Variants in DHRSX observed in about 807,000 individuals in gnomAD.
The protein encoded by DHRSX is dehydrogenase/reductase X-linked.
Under a neutral mutation model 34.0 loss-of-function variants are expected in DHRSX, and 31 were observed. That is an observed-to-expected ratio of 0.91 (90% confidence interval 0.69 to 1.23). The LOEUF (loss-of-function observed/expected upper bound fraction) is 1.23, where lower values mean the gene tolerates loss of function less well. DHRSX is among the 50% of genes most tolerant of loss of function. The pLI is 0.00. For synonymous variants in DHRSX, 201 were observed against 183.8 expected (o/e 1.09, Z -0.76); for missense variants, 414 against 428.1 (o/e 0.97, Z 0.29).
chrX:2,330,445 G>A (rs1414264188), intron 3 of DHRSX, among the ~76,000 whole-genome samples: 4 of 150,982 alleles, frequency 2.6e-5, no homozygotes, highest in East Asian at 2.0e-4. Context: ...CGCTTGAACC[G>A]GGGAGGCAGA....
chrX:2,345,845 G>A (rs1239320194), intron 3 of DHRSX, among the ~76,000 whole-genome samples: 1 of 152,090 alleles, frequency 6.6e-6, no homozygotes, highest in East Asian at 1.9e-4. Context: ...TCCTCCCTGG[G>A]TCTCCAGCTG....
At chrX:2,472,243 AC>A (rs1176144541) in intron 1 of DHRSX, among the ~76,000 whole-genome samples, 1 of 152,030 alleles carries the variant, frequency 6.6e-6, no homozygotes, top group Non-Finnish European at 1.5e-5. Flanking sequence ...AAAACCAAAT[AC>A]CACCTGTTCC....
intron 5 of DHRSX, among the ~76,000 whole-genome samples, chrX:2,246,733 AAAG>A (rs1298772261): frequency 8.7e-6 from 1 of 115,396 alleles, no homozygotes; most frequent in African/African-American, 2.7e-5. Context: ...AGAAAGAAAG[AAAG>A]AAAGAAAGAA....
At chrX:2,385,520 AG>A (rs2124615771) in intron 3 of DHRSX, among the ~76,000 whole-genome samples, 1 of 152,130 alleles carries the variant, frequency 6.6e-6, no homozygotes, top group South Asian at 2.1e-4. Context: ...AATCAGCCTT[AG>A]GAGGGAAAAT....
chrX:2,376,995 CA>C (rs368026648), intron 3 of DHRSX, among the ~76,000 whole-genome samples: 49,527 of 144,062 alleles, frequency 0.34, 8,245 homozygotes, highest in Non-Finnish European at 0.37. Context: ...AACTCTATCT[CA>C]AAAAAAAAAA....
intron 5 of DHRSX, among the ~76,000 whole-genome samples, chrX:2,246,716 GAA>G (rs1556432424): frequency 1.0e-5 from 1 of 98,772 alleles, no homozygotes; most frequent in Admixed American, 1.0e-4. Flanking sequence ...GAGAAAGAAA[GAA>G]AGAAAGAAAG....
chrX:2,254,059 C>CA (rs373951884), intron 5 of DHRSX, among the ~76,000 whole-genome samples: 24,160 of 148,974 alleles, frequency 0.16, 2,210 homozygotes, highest in Admixed American at 0.2. Flanking sequence ...GACTCTGTCT[C>CA]AAAAAAAAAC....
chrX:2,290,674 T>A (rs756915551), intron 4 of DHRSX, among the ~76,000 whole-genome samples: 1 of 152,372 alleles, frequency 6.6e-6, no homozygotes, highest in Non-Finnish European at 1.5e-5. Context: ...ATTTCCTCTC[T>A]GAATTTGCAT....
At chrX:2,459,577 T>C (rs183390565) in intron 1 of DHRSX, among the ~76,000 whole-genome samples, 12,717 of 125,372 alleles carry the variant, frequency 0.1, 822 homozygotes, top group East Asian at 0.22. Context: ...TATATATATA[T>C]ATACACACAC....
At chrX:2,245,961 C>CAAAAAA (rs1349755698) in intron 5 of DHRSX, among the ~76,000 whole-genome samples, 6 of 59,334 alleles carry the variant, frequency 1.0e-4, no homozygotes, top group Admixed American at 2.2e-4. Flanking sequence ...GACTCCATCT[C>CAAAAAA]AAAAAAAACA....
chrX:2,448,439 T>C (rs902854456), intron 1 of DHRSX, among the ~76,000 whole-genome samples: 13 of 152,084 alleles, frequency 8.5e-5, no homozygotes, highest in Non-Finnish European at 1.9e-4. Context: ...ATCGCATCTT[T>C]CAAAATGACT....
intron 1 of DHRSX, among the ~76,000 whole-genome samples, chrX:2,483,255 T>A (rs868706567): frequency 1.1e-4 from 16 of 151,308 alleles, no homozygotes; most frequent in African/African-American, 2.2e-4. Flanking sequence ...TTGGCTAATT[T>A]TTATTATTAT....
intron 3 of DHRSX, among the ~76,000 whole-genome samples, chrX:2,399,725 C>CA (rs779558142): frequency 0.038 from 1,317 of 34,904 alleles, 85 homozygotes; most frequent in African/African-American, 0.089. Context: ...AAACAAAAAG[C>CA]AAAAAAAAAA....
intron 6 of DHRSX, among the ~76,000 whole-genome samples, chrX:2,232,204 A>T (rs2015911060): frequency 6.6e-6 from 1 of 151,754 alleles, no homozygotes; most frequent in Admixed American, 6.6e-5. Flanking sequence ...CTTTTCCTAA[A>T]AAAAAACTAG....
At chrX:2,383,133 A>G (rs779762825) in intron 3 of DHRSX, among the ~76,000 whole-genome samples, 24 of 151,598 alleles carry the variant, frequency 1.6e-4, no homozygotes, top group Admixed American at 4.6e-4. Context: ...CACCATTGTC[A>G]TCACCATCAT....
At chrX:2,247,997 C>G (rs1434548574) in intron 5 of DHRSX, among the ~76,000 whole-genome samples, 1 of 152,040 alleles carries the variant, frequency 6.6e-6, no homozygotes, top group Non-Finnish European at 1.5e-5. Flanking sequence ...TATAAAAACT[C>G]GCCATAAAGA....
chrX:2,284,861 CTA>C (rs1453094226), intron 4 of DHRSX, among the ~76,000 whole-genome samples: 2 of 152,178 alleles, frequency 1.3e-5, no homozygotes, highest in African/African-American at 4.8e-5. Context: ...AAAAGATATT[CTA>C]TGTCTGAAGT....
chrX:2,231,818 T>C (rs769420050), intron 6 of DHRSX, among the ~76,000 whole-genome samples: 39 of 130,678 alleles, frequency 3.0e-4, no homozygotes, highest in South Asian at 2.7e-4. Context: ...TCTCCCTTCC[T>C]CTTCCTTTCT....
At chrX:2,394,245 G>A (rs2043380761) in intron 3 of DHRSX, among the ~76,000 whole-genome samples, 1 of 152,186 alleles carries the variant, frequency 6.6e-6, no homozygotes, top group African/African-American at 2.4e-5. Flanking sequence ...TCCCTGTGAA[G>A]GCCAGTGGGC....
Sources: gnomAD v4.1 joint callset for allele counts (sites outside exome capture counted in the v4.1 genomes callset) on GRCh38, gnomAD v4.1.1 for gene constraint, MANE v1.5 for transcripts, NCBI Gene and HGNC (gene_info 2026-07-23, HGNC 2026-07-21) for gene names.